The following CFAP43 variants were observed in gnomAD, a reference collection of about 807,000 sequenced individuals.
CFAP43 encodes cilia- and flagella-associated protein 43.
CFAP43 carries 155 observed loss-of-function variants against 218.9 expected under a neutral mutation model. The ratio of observed to expected loss-of-function variants is 0.71; its 90% confidence interval spans 0.62 to 0.81. The LOEUF is 0.81. Ranked by LOEUF, CFAP43 falls within the 30% of genes least tolerant of loss-of-function variation. The probability of loss-of-function intolerance (pLI) is 0.00; values close to 1 mark genes in which losing one functional copy is unlikely to be tolerated. For missense variants in CFAP43, 1,778 were observed against 1,954.3 expected (o/e 0.91, Z 1.70); for synonymous variants, 645 against 681.3 (o/e 0.95, Z 0.83).
chr10:104,130,618 C>G (rs1175639446), intron 37 of CFAP43, among the ~76,000 whole-genome samples: 1 of 152,108 alleles, frequency 6.6e-6, no homozygotes, highest in Non-Finnish European at 1.5e-5. Flanking sequence ...CAAATTAACA[C>G]AGGAACAGAA....
At chr10:104,176,261 T>G (rs2089628709) in intron 19 of CFAP43, among the ~76,000 whole-genome samples, 2 of 152,020 alleles carry the variant, frequency 1.3e-5, no homozygotes, top group African/African-American at 4.8e-5. Context: ...GTATATTAAA[T>G]AAAACAGACT....
chr10:104,177,206 T>C (rs1478085768), intron 19 of CFAP43, among the ~76,000 whole-genome samples: 1 of 151,810 alleles, frequency 6.6e-6, no homozygotes, highest in Non-Finnish European at 1.5e-5. Flanking sequence ...AAGTAACACA[T>C]TCAAATGGGA....
At chr10:104,145,907 T>C (rs2087944134) in intron 30 of CFAP43, among the ~76,000 whole-genome samples, 1 of 152,246 alleles carries the variant, frequency 6.6e-6, no homozygotes, top group African/African-American at 2.4e-5. Context: ...TCTGTCTTCT[T>C]TATGCTATTC....
chr10:104,172,501 T>G lies in CFAP43; in HGVS notation c.2495A>C (p.Glu832Ala). ...LNMMEENDKL[E>A]NIAKLDQQEF... is the part of the protein sequence containing the mutation. ...CTGTTGGTCTAATTTTGCAATATTT[T>G]CTAGTTTGTCATTTTCTTCCATCAT... The change falls in exon 20 of 38, where the codon GAA becomes GCA. Residue 832 changes from glutamate (E) to alanine (A), a missense_variant. Physicochemically the swap from Glu to Ala is moderately radical, Grantham distance 107. Around this residue, in one of 3 missense-constraint regions of CFAP43, gnomAD observed 1,553 missense variants for 1,685.2 expected, o/e 0.92. Coordinates refer to ENST00000357060, the MANE Select transcript of CFAP43 (RefSeq NM_025145.7). 1 of 1,606,362 alleles carries G rather than the reference T, an allele frequency of 6.2e-7. No individual in the cohort carries two copies. Among genetic ancestry groups the G allele is most frequent in the Non-Finnish European group, 8.5e-7 (1 of 1,178,018 alleles).
chr10:104,192,344 A>G, intron 11 of CFAP43, 42 bp from the exon 12 acceptor site: 2 of 1,466,512 alleles, frequency 1.4e-6, no homozygotes, highest in South Asian at 1.1e-5. Flanking sequence ...CAATTGTTTC[A>G]CCAGCTAGAT....
chr10:104,162,721 C>T (rs1481489473), intron 24 of CFAP43, among the ~76,000 whole-genome samples: 1 of 151,334 alleles, frequency 6.6e-6, no homozygotes, highest in Non-Finnish European at 1.5e-5. Context: ...GGATGGGGGT[C>T]CTAAGAGGTC....
intron 23 of CFAP43, 90 bp from the exon 24 acceptor site, chr10:104,164,390 A>C: frequency 9.3e-7 from 1 of 1,077,042 alleles, no homozygotes. Context: ...CTCTAAAATC[A>C]TTCCACAAAT....
chr10:104,225,822 C>A (rs1346468467), intron 2 of CFAP43, among the ~76,000 whole-genome samples: 1 of 152,136 alleles, frequency 6.6e-6, no homozygotes, highest in East Asian at 1.9e-4. Context: ...CTGAGCATAC[C>A]GCACCATGTA....
intron 2 of CFAP43, among the ~76,000 whole-genome samples, chr10:104,229,977 C>G (rs1156603106): frequency 6.6e-6 from 1 of 152,178 alleles, no homozygotes; most frequent in African/African-American, 2.4e-5. Flanking sequence ...TATGAATCAC[C>G]TGGGAATTTT....
In CFAP43 at chr10:104,129,898, C is replaced by G. The variant is rs902346406; in HGVS notation, c.*241G>C. On this transcript the variant is annotated 3_prime_UTR_variant, in exon 38 of 38. Coordinates refer to ENST00000357060, the MANE Select transcript of CFAP43 (RefSeq NM_025145.7). ...AAAATAGATCTTGAATACTTTCTGA[C>G]TTCAAGTCTTGTTTATTCTTGAATA... 1.5e-5 allele frequency: 6 copies of G among 387,288 alleles called. No homozygotes were observed. The Admixed American group carries it at 2.4e-4, about 15-fold the overall frequency. The allele number at this position is 387,288 out of a possible 1,614,324, so 24.0% of individuals were successfully genotyped here.
At chr10:104,162,086 TG>T in intron 25 of CFAP43, 45 bp from the exon 26 acceptor site, 1 of 1,583,782 alleles carries the variant, frequency 6.3e-7, no homozygotes, top group Non-Finnish European at 8.6e-7. Context: ...GACAGAGACC[TG>T]ACATTCCAGG....
chr10:104,162,153 G>A (rs1589673530), intron 25 of CFAP43, 112 bp from the exon 26 acceptor site: 23 of 1,298,218 alleles, frequency 1.8e-5, no homozygotes, highest in Non-Finnish European at 2.4e-5. Context: ...TGGGATTGGG[G>A]AAGGTAGGTA....
rs141663143 is a variant in CFAP43, at chr10:104,141,809, G to A, written c.4271+472C>T. ...TGGGAACATCAGAGAAGTATTTATC[G>A]ATGAGGCTATAAATATAGCCAAAAA... On this transcript the variant is annotated intron_variant, in intron 33 of 37. Coordinates refer to ENST00000357060, the MANE Select transcript of CFAP43 (RefSeq NM_025145.7). Among the ~76,000 whole-genome samples the A allele has an allele frequency of 2.7e-3, 414 of 152,168 alleles. 5 individuals carry two copies. Among genetic ancestry groups the A allele is most frequent in the Non-Finnish European group, 7.9e-4 (54 of 68,002 alleles).
In CFAP43 at chr10:104,180,000, C is replaced by A. The variant is rs943888368; in HGVS notation, c.2290-68G>T. 13 of 1,218,664 alleles carry A rather than the reference C, an allele frequency of 1.1e-5. No homozygotes were observed. The African/African-American group carries it at 2.0e-4, about 18-fold the overall frequency. 75.5% of individuals were successfully genotyped at this position (1,218,664 alleles called of 1,614,324 possible). ...ATTCATCAAGTTTTTCCCCTCCCAC[C>A]CTACCACATGTAACTGCTTTGAATT... is the stretch of plus-strand genomic sequence containing the variant. On this transcript the variant is annotated intron_variant, in intron 17 of 37. Transcript: ENST00000357060.
chr10:104,157,771 T>TGAGA (rs1316040522), intron 27 of CFAP43, among the ~76,000 whole-genome samples: 111 of 106,008 alleles, frequency 1.0e-3, no homozygotes, highest in African/African-American at 1.3e-3. Flanking sequence ...TGTGTGTGTG[T>TGAGA]GTGTGAGAGA....
intron 5 of CFAP43, among the ~76,000 whole-genome samples, chr10:104,210,815 G>A (rs1221876835): frequency 1.7e-5 from 2 of 116,418 alleles, no homozygotes; most frequent in African/African-American, 6.4e-5. Flanking sequence ...TTTTGAGACG[G>A]AGTCTCGCTC....
At chr10:104,192,432 T>C in intron 11 of CFAP43, 130 bp from the exon 12 acceptor site, 1 of 693,350 alleles carries the variant, frequency 1.4e-6, no homozygotes, top group South Asian at 1.7e-5. Flanking sequence ...TTTAATATTC[T>C]CTGACCTTAT....
intron 27 of CFAP43, among the ~76,000 whole-genome samples, chr10:104,155,213 G>A (rs930497217): frequency 2.6e-5 from 4 of 152,158 alleles, no homozygotes; most frequent in African/African-American, 9.7e-5. Context: ...TGGCTGCCCT[G>A]GGTGAGGGTA....
In CFAP43 at chr10:104,182,519, T is replaced by C; in HGVS notation, c.2142-6A>G. On this transcript the variant is annotated splice_polypyrimidine_tract_variant and splice_region_variant and intron_variant, in intron 16 of 37. Transcript: ENST00000357060. Reference sequence around the variant, plus strand: ...CTAGGTGTCCTCCAAATCGCCTATATTAATAAAAAAGAAAACACAGAGGCT... The same window carrying C: ...CTAGGTGTCCTCCAAATCGCCTATACTAATAAAAAAGAAAACACAGAGGCT... 1 of 1,566,016 alleles carries C rather than the reference T, an allele frequency of 6.4e-7. No individual in the cohort carries two copies. Among genetic ancestry groups the C allele is most frequent in the Non-Finnish European group, 8.6e-7 (1 of 1,165,498 alleles).
Sources: allele counts gnomAD v4.1 joint callset (sites outside exome capture counted in the v4.1 genomes callset), GRCh38; gene constraint gnomAD v4.1.1; regional missense constraint gnomAD v4.1.1; transcripts MANE v1.5; gene names NCBI Gene and HGNC (gene_info 2026-07-23, HGNC 2026-07-21).